IFRD1: variants seen among roughly 807,000 people sequenced by gnomAD.
IFRD1 encodes interferon-related developmental regulator 1.
A neutral mutation model predicts 52.9 loss-of-function variants in IFRD1; 35 were observed. The ratio of observed to expected loss-of-function variants is 0.66; its 90% CI spans 0.51 to 0.88. The LOEUF is 0.88. Among genes scored for constraint, IFRD1 ranks in the 40% least tolerant of loss-of-function variants. The pLI is 0.00. For synonymous variants in IFRD1, 184 were observed against 188.4 expected (o/e 0.98, Z 0.19); for missense variants, 517 against 550.8 (o/e 0.94, Z 0.61).
rs568361082 is a variant in IFRD1 at position 112,440,525 on chromosome 7, T to C, written c.-181-9983T>C. Among the ~76,000 whole-genome samples the C allele has an allele frequency of 2.8e-3, 424 of 152,342 alleles. 2 individuals are homozygous for C. The highest frequency in any genetic ancestry group is 9.7e-3 in the African/African-American group (405 of 41,584). ...TTTTTAAAGTGTCTGTTCAGAATTC[T>C]TTTGGCTGGATTGGTTCACAATAAA... On this transcript the variant is annotated intron_variant, in intron 1 of 12. Coordinates refer to the IFRD1 transcript ENST00000005558.
chr7:112,443,841 G>T (rs1794955154), intron 1 of IFRD1, among the ~76,000 whole-genome samples: 1 of 138,896 alleles, frequency 7.2e-6, no homozygotes, highest in Non-Finnish European at 1.5e-5. Flanking sequence ...TAGCCTGGGT[G>T]ACAAGAGTGA....
chr7:112,455,633 T>A, intron 1 of IFRD1, 130 bp from the exon 2 acceptor site: 5 of 695,298 alleles, frequency 7.2e-6, no homozygotes, highest in Non-Finnish European at 1.0e-5. Flanking sequence ...TGTGATAAAA[T>A]CTCTTTTTAT....
At chr7:112,429,192 G>A (rs1794494447) in intron 1 of IFRD1, among the ~76,000 whole-genome samples, 2 of 152,066 alleles carry the variant, frequency 1.3e-5, no homozygotes, top group African/African-American at 2.4e-5. Context: ...CCCAATTGTG[G>A]CTTTTTCTAC....
intron 1 of IFRD1, among the ~76,000 whole-genome samples, chr7:112,441,631 T>A (rs969677698): frequency 1.3e-5 from 2 of 152,172 alleles, no homozygotes; most frequent in African/African-American, 2.4e-5. Flanking sequence ...TTTTTTCATG[T>A]CTGTGGTGGG....
At chr7:112,427,215 A>G (rs1794446918) in intron 1 of IFRD1, among the ~76,000 whole-genome samples, 1 of 152,228 alleles carries the variant, frequency 6.6e-6, no homozygotes, top group Non-Finnish European at 1.5e-5. Flanking sequence ...TCTCAAGATA[A>G]TGACATTAAT....
intron 1 of IFRD1, among the ~76,000 whole-genome samples, chr7:112,427,027 A>C (rs1333325541): frequency 6.6e-6 from 1 of 152,198 alleles, no homozygotes; most frequent in Non-Finnish European, 1.5e-5. Context: ...CACTTTGGGC[A>C]CATGTCGTCA....
At chr7:112,465,615 T>C (rs1171932792) in intron 8 of IFRD1, among the ~76,000 whole-genome samples, 2 of 152,176 alleles carry the variant, frequency 1.3e-5, no homozygotes, top group Non-Finnish European at 2.9e-5. Context: ...TTTCTAATAG[T>C]TCATTTCCCT....
At chr7:112,463,874 ACACACACACACACACACACAC>A (rs1471754312) in intron 8 of IFRD1, among the ~76,000 whole-genome samples, 1 of 43,974 alleles carries the variant, frequency 2.3e-5, no homozygotes, top group Middle Eastern at 0.029. Flanking sequence ...ACACACACAC[ACACACACACACACACACACAC>A]CCCACGTATC....
intron 11 of IFRD1, among the ~76,000 whole-genome samples, chr7:112,474,100 A>G (rs1584505570): frequency 6.6e-6 from 1 of 152,210 alleles, no homozygotes; most frequent in African/African-American, 2.4e-5. Context: ...TGGCAGAATA[A>G]TATTCCATTG....
At chr7:112,470,712 A>G (rs924753996) in intron 9 of IFRD1, among the ~76,000 whole-genome samples, 2 of 152,230 alleles carry the variant, frequency 1.3e-5, no homozygotes, top group Non-Finnish European at 2.9e-5. Flanking sequence ...CTGATATAAA[A>G]TGGCATAGTA....
intron 8 of IFRD1, among the ~76,000 whole-genome samples, chr7:112,465,879 T>G (rs932515136): frequency 4.2e-4 from 64 of 152,314 alleles, no homozygotes; most frequent in African/African-American, 1.4e-3. Flanking sequence ...ATTGATAAAA[T>G]AGTTAATGCT....
chr7:112,451,947 G>T (rs995544952), intron 1 of IFRD1: 2 of 925,308 alleles, frequency 2.2e-6, no homozygotes, highest in Non-Finnish European at 2.6e-6. Flanking sequence ...TTGGAAACTG[G>T]CATTTAAAAA....
At chr7:112,442,265 A>G (rs1178851190) in intron 1 of IFRD1, among the ~76,000 whole-genome samples, 1 of 152,152 alleles carries the variant, frequency 6.6e-6, no homozygotes, top group Non-Finnish European at 1.5e-5. Context: ...CCTGTTAACC[A>G]CTTTATCAGC....
intron 1 of IFRD1, 80 bp from the exon 2 acceptor site, chr7:112,455,683 G>A (rs1030044416): frequency 1.6e-5 from 15 of 930,726 alleles, no homozygotes; most frequent in Non-Finnish European, 2.3e-5. Context: ...TTCTCTTTAA[G>A]TAAACTTAAA....
At chr7:112,450,450 C>A, upstream of IFRD1, 2 of 568,014 alleles carry the variant, frequency 3.5e-6, no homozygotes, top group African/African-American at 1.9e-5. Context: ...GTCGTGGCCT[C>A]CCCTGCCCCG....
intron 1 of IFRD1, among the ~76,000 whole-genome samples, chr7:112,440,273 C>A (rs764942723): frequency 2.0e-5 from 3 of 152,070 alleles, no homozygotes; most frequent in Non-Finnish European, 2.9e-5. Flanking sequence ...GTGTGAGCCA[C>A]GGCACTCGGT....
chr7:112,459,385 G>T (rs75588443), intron 5 of IFRD1, among the ~76,000 whole-genome samples: 17 of 151,928 alleles, frequency 1.1e-4, no homozygotes, highest in Non-Finnish European at 1.5e-5. Flanking sequence ...TTGGGTTTTG[G>T]GGGTTTTATT....
chr7:112,455,804 G>C lies in IFRD1; in HGVS notation c.136G>C (p.Ala46Pro). 6.2e-7 allele frequency: 1 copy of C among 1,613,046 alleles called. No homozygotes were observed. Among genetic ancestry groups the C allele is most frequent in the Non-Finnish European group, 8.5e-7 (1 of 1,179,072 alleles). ...TGTTCAGCCTTTTAGTGATGAAGATGCATCAATTGAAACAATGAGCCATTG... is the reference window on the plus strand; with the variant it reads ...TGTTCAGCCTTTTAGTGATGAAGATCCATCAATTGAAACAATGAGCCATTG... Reference protein sequence around the residue: ...RNVQPFSDEDASIETMSHCSG... With the variant: ...RNVQPFSDEDPSIETMSHCSG... Residue 46 changes from alanine (A) to proline (P), a missense_variant, in exon 2 of 12, where the codon GCA becomes CCA. Transcript: ENST00000403825.
chr7:112,445,083 T>C (rs1017435000), intron 1 of IFRD1, among the ~76,000 whole-genome samples: 2 of 145,352 alleles, frequency 1.4e-5, no homozygotes, highest in South Asian at 4.3e-4. Context: ...TTTTTTTTTT[T>C]TGAAACAGGG....
Sources: allele counts gnomAD v4.1 joint callset (sites outside exome capture counted in the v4.1 genomes callset), GRCh38; gene constraint gnomAD v4.1.1; transcripts MANE v1.5; gene names NCBI Gene and HGNC (gene_info 2026-07-23, HGNC 2026-07-21).